PMS1: variants seen among roughly 807,000 people sequenced by gnomAD.
PMS1 encodes PMS1 homolog 1, mismatch repair system component.
PMS1 carries 79 observed loss-of-function variants against 93.1 expected under a neutral mutation model. The ratio of observed to expected loss-of-function variants is 0.85; its 90% CI spans 0.71 to 1.02. PMS1 has a LOEUF of 1.02. Among genes scored for constraint, PMS1 ranks in the 50% least tolerant of loss-of-function variants. The pLI is 0.00. For synonymous variants in PMS1, 335 were observed against 363.4 expected, an observed-to-expected ratio of 0.92 and a Z score of 0.89; for missense variants, 1,064 against 1,085.3, an observed-to-expected ratio of 0.98 and a Z score of 0.28.
rs371639259 is a variant in PMS1, at chr2:189,819,282, A to G, written c.582+1102A>G. Among the ~76,000 whole-genome samples the G allele has an allele frequency of 9.9e-5, 15 of 152,214 alleles. No homozygotes were observed. In the South Asian group the frequency reaches 2.9e-3, roughly 29 times the overall value. ...ACATACACATTTTCTTTATCCATTT[A>G]TATGTTGATGGCACTTAAGTTGATT... On this transcript the variant is annotated intron_variant, in intron 5 of 12. Coordinates refer to ENST00000441310, the MANE Select transcript of PMS1 (RefSeq NM_000534.5).
intron 9 of PMS1, among the ~76,000 whole-genome samples, chr2:189,862,745 G>T (rs1013631169): frequency 6.6e-6 from 1 of 152,154 alleles, no homozygotes; most frequent in East Asian, 1.9e-4. Context: ...AGTTTAGGAC[G>T]TAGGTTTTTT....
At chr2:189,865,266 T>C (rs1027185790) in intron 10 of PMS1, among the ~76,000 whole-genome samples, 2 of 152,192 alleles carry the variant, frequency 1.3e-5, no homozygotes, top group Non-Finnish European at 2.9e-5. Context: ...TGTTTATATA[T>C]CTTAAAAATC....
Position 189,877,546 on chromosome 2 carries a change from A to C in PMS1, c.*110A>C. ...TTATGTGTCACATGGTTATTTTTTA[A>C]ATGAGGATTCACTGACTTGTTTTTA... On this transcript the variant is annotated 3_prime_UTR_variant, in exon 13 of 13. Coordinates refer to ENST00000441310, the MANE Select transcript of PMS1 (RefSeq NM_000534.5). The C allele has an allele frequency of 1.3e-6, 1 of 740,932 alleles. No homozygotes were observed. The highest frequency in any genetic ancestry group is 1.7e-5 in the South Asian group (1 of 57,362). 45.9% of individuals were successfully genotyped at this position (740,932 alleles called of 1,614,324 possible). A position where few individuals can be genotyped will look rare whatever the true frequency, so the allele number is the denominator to read the frequency against.
intron 5 of PMS1, among the ~76,000 whole-genome samples, chr2:189,839,087 G>A (rs908556309): frequency 3.9e-5 from 6 of 152,054 alleles, no homozygotes; most frequent in Non-Finnish European, 8.8e-5. Flanking sequence ...CATCTCCTGG[G>A]TTCAAGTGAT....
chr2:189,824,406 T>C (rs966400360), intron 5 of PMS1, among the ~76,000 whole-genome samples: 2 of 152,080 alleles, frequency 1.3e-5, no homozygotes, highest in African/African-American at 4.8e-5. Flanking sequence ...ATTTTAATTA[T>C]TTTTTAAAGT....
At chr2:189,843,877 T>C in intron 5 of PMS1, 87 bp from the exon 6 acceptor site, 1 of 1,191,198 alleles carries the variant, frequency 8.4e-7, no homozygotes, top group Non-Finnish European at 1.2e-6. Context: ...TGAGGATGAA[T>C]GCAAAATATA....
At chr2:189,869,023 C>G (rs1340823472) in intron 11 of PMS1, among the ~76,000 whole-genome samples, 1 of 152,118 alleles carries the variant, frequency 6.6e-6, no homozygotes, top group Non-Finnish European at 1.5e-5. Flanking sequence ...TTTAATCTCC[C>G]TAATATCCTT....
chr2:189,865,592 T>C (rs1411739688), intron 10 of PMS1, among the ~76,000 whole-genome samples: 1 of 152,214 alleles, frequency 6.6e-6, no homozygotes, highest in African/African-American at 2.4e-5. Flanking sequence ...AATAATTTTA[T>C]TATTGGTTGT....
At chr2:189,788,552 A>G (rs1364224119) in intron 1 of PMS1, among the ~76,000 whole-genome samples, 4 of 152,192 alleles carry the variant, frequency 2.6e-5, no homozygotes, top group African/African-American at 9.7e-5. Flanking sequence ...AGAGCCTGCC[A>G]TTTTAACCAC....
intron 5 of PMS1, among the ~76,000 whole-genome samples, chr2:189,827,782 AATCTAAGAAAG>A (rs1259238392): frequency 1.3e-5 from 2 of 152,210 alleles, no homozygotes; most frequent in Non-Finnish European, 2.9e-5. Flanking sequence ...TTATATGTGG[AATCTAAGAAAG>A]TTGATTTCAT....
chr2:189,861,771 T>C (rs879540683), intron 9 of PMS1, among the ~76,000 whole-genome samples: 4 of 151,684 alleles, frequency 2.6e-5, no homozygotes, highest in Non-Finnish European at 2.9e-5. Context: ...AAGATTTCAC[T>C]GTCATCTGGC....
At chr2:189,805,066 T>C (rs1407768616) in intron 3 of PMS1, among the ~76,000 whole-genome samples, 1 of 152,194 alleles carries the variant, frequency 6.6e-6, no homozygotes, top group East Asian at 1.9e-4. Flanking sequence ...CTGAATGAAA[T>C]GTCTTCTTCA....
At chr2:189,850,451 G>A (rs1008436744) in intron 6 of PMS1, among the ~76,000 whole-genome samples, 5 of 152,202 alleles carry the variant, frequency 3.3e-5, no homozygotes. Context: ...TGAATGTGGT[G>A]AGATTGAGAA....
intron 9 of PMS1, among the ~76,000 whole-genome samples, chr2:189,863,449 T>G (rs924629317): frequency 6.6e-6 from 1 of 152,170 alleles, no homozygotes; most frequent in Non-Finnish European, 1.5e-5. Flanking sequence ...AGACAGTGTT[T>G]CGCCATTTTG....
At chr2:189,793,456 A>C (rs375977994) in intron 2 of PMS1, among the ~76,000 whole-genome samples, 33 of 152,340 alleles carry the variant, frequency 2.2e-4, no homozygotes, top group African/African-American at 7.2e-4. Flanking sequence ...TGAATACACT[A>C]TAAGCTTTAT....
intron 1 of PMS1, among the ~76,000 whole-genome samples, chr2:189,786,927 C>T (rs2048400776): frequency 6.6e-6 from 1 of 152,060 alleles, no homozygotes; most frequent in Non-Finnish European, 1.5e-5. Flanking sequence ...GTGGCGGGCA[C>T]CTGTAATCCC....
intron 6 of PMS1, among the ~76,000 whole-genome samples, chr2:189,845,649 G>T (rs190817662): frequency 2.0e-5 from 3 of 152,096 alleles, no homozygotes; most frequent in Admixed American, 6.6e-5. Flanking sequence ...CTCATCTTCA[G>T]ATATCTTTTT....
At chr2:189,806,892 G>A (rs1273694313) in intron 4 of PMS1, 1 of 213,042 alleles carries the variant, frequency 4.7e-6, no homozygotes, top group Non-Finnish European at 9.5e-6. Flanking sequence ...GGACTTGTGG[G>A]TTTTGTTGTT....
chr2:189,806,007 A>G (rs1464065331), intron 4 of PMS1: 4 of 1,229,110 alleles, frequency 3.3e-6, no homozygotes, highest in South Asian at 1.8e-5. Flanking sequence ...TGTAAAAACT[A>G]AGAGTATTTA....
Sources: allele counts gnomAD v4.1 joint callset (sites outside exome capture counted in the v4.1 genomes callset), GRCh38; gene constraint gnomAD v4.1.1; transcripts MANE v1.5; gene names NCBI Gene and HGNC (gene_info 2026-07-23, HGNC 2026-07-21).